DCC: variants seen among roughly 807,000 people sequenced by gnomAD.
DCC encodes the protein DCC netrin 1 receptor, also known as netrin receptor DCC.
Under a neutral mutation model 172.5 loss-of-function variants are expected in DCC, and 58 were observed. The ratio of observed to expected loss-of-function variants is 0.34; its 90% confidence interval spans 0.27 to 0.42. The LOEUF (loss-of-function observed/expected upper bound fraction) is 0.42. Among genes scored for constraint, DCC ranks in the 10% least tolerant of loss-of-function variants. DCC has a pLI of 1.00. For synonymous variants in DCC, 709 were observed against 644.5 expected, an observed-to-expected ratio of 1.10 and a Z score of -1.52; for missense variants, 1,740 against 1,791.0, an observed-to-expected ratio of 0.97 and a Z score of 0.51.
intron 25 of DCC, among the ~76,000 whole-genome samples, chr18:53,468,379 ATT>A (rs1344416765): frequency 1.3e-4 from 9 of 68,832 alleles, no homozygotes; most frequent in African/African-American, 4.4e-4. Flanking sequence ...TTATTTATTT[ATT>A]TTATTTATTT....
rs551977473 is a variant in DCC at position 52,878,000 on chromosome 18, G to A, written c.413-28044G>A. Among the ~76,000 whole-genome samples the A allele has an allele frequency of 2.0e-4, 30 of 151,878 alleles. 1 individual carries two copies. The highest frequency in any genetic ancestry group is 3.5e-4 in the Non-Finnish European group (24 of 67,996). ...CATGAAATAAACATATTTCCTGTGT[G>A]TCTCTGGGGCTAAATATAAACTCTC... On this transcript the variant is annotated intron_variant, in intron 2 of 28. Transcript: ENST00000442544.
At chr18:53,468,458 C>G (rs1411337359) in intron 25 of DCC, among the ~76,000 whole-genome samples, 1 of 151,544 alleles carries the variant, frequency 6.6e-6, no homozygotes, top group Admixed American at 6.6e-5. Context: ...TCTTGGCTCA[C>G]TGCAACTTCC....
intron 15 of DCC, among the ~76,000 whole-genome samples, chr18:53,347,281 TCTTA>T (rs1234426492): frequency 1.3e-5 from 2 of 152,146 alleles, no homozygotes. Context: ...TTCATCAAGA[TCTTA>T]CTTAATTCCA....
chr18:53,468,799 T>A (rs141776555), intron 25 of DCC, among the ~76,000 whole-genome samples: 40 of 152,316 alleles, frequency 2.6e-4, no homozygotes, highest in Admixed American at 6.5e-4. Flanking sequence ...TGTTGAAGTT[T>A]TCTGTCATCC....
chr18:53,498,749 A>T (rs2046058739), intron 26 of DCC, among the ~76,000 whole-genome samples: 1 of 152,092 alleles, frequency 6.6e-6, no homozygotes, highest in African/African-American at 2.4e-5. Context: ...CTCTCATATA[A>T]CTTTTTAGCT....
intron 23 of DCC, among the ~76,000 whole-genome samples, chr18:53,452,133 G>A (rs765946183): frequency 1.3e-5 from 2 of 152,198 alleles, no homozygotes; most frequent in African/African-American, 4.8e-5. Flanking sequence ...AACTAATTGA[G>A]TAAGGCATTG....
At chr18:53,020,779 C>A (rs1463206447) in intron 5 of DCC, among the ~76,000 whole-genome samples, 1 of 152,068 alleles carries the variant, frequency 6.6e-6, no homozygotes, top group African/African-American at 2.4e-5. Flanking sequence ...TCCCTGTCCC[C>A]CTTAGCTAGG....
At chr18:52,351,463 A>G (rs535008814) in intron 1 of DCC, among the ~76,000 whole-genome samples, 2 of 152,180 alleles carry the variant, frequency 1.3e-5, no homozygotes, top group Non-Finnish European at 2.9e-5. Flanking sequence ...TTATGAACCT[A>G]TCTATCCTAT....
intron 1 of DCC, among the ~76,000 whole-genome samples, chr18:52,436,133 G>C (rs1422353145): frequency 6.6e-6 from 1 of 152,204 alleles, no homozygotes; most frequent in Non-Finnish European, 1.5e-5. Context: ...GACCCGAAAA[G>C]AGAAAACACA....
chr18:52,879,412 C>CTTTTTTTGTTTTTTTTTTTTTTTTTTT (rs2039448628), intron 2 of DCC, among the ~76,000 whole-genome samples: 1 of 62,356 alleles, frequency 1.6e-5, no homozygotes, highest in African/African-American at 6.9e-5. Context: ...TGTTGTTTGG[C>CTTTTTTTGTTTTTTTTTTTTTTTTTTT]TTTTTTTTTT....
chr18:52,511,816 G>A lies in DCC; in HGVS notation c.91+170938G>A, dbSNP rs117274097. Among the ~76,000 whole-genome samples, 1,098 of 152,218 alleles carry A rather than the reference G, an allele frequency of 7.2e-3. 7 individuals are homozygous for A. The highest frequency in any genetic ancestry group is 0.012 in the Non-Finnish European group (819 of 68,008). Reference sequence around the variant, plus strand: ...GGACTAATTAGAAATGTGATTGGACGGGAACACAGAGAGTTTCATTTTCAG... The same window carrying A: ...GGACTAATTAGAAATGTGATTGGACAGGAACACAGAGAGTTTCATTTTCAG... On this transcript the variant is annotated intron_variant, in intron 1 of 28. Transcript: ENST00000442544.
At chr18:52,598,428 G>T (rs1162335407) in intron 1 of DCC, among the ~76,000 whole-genome samples, 1 of 152,154 alleles carries the variant, frequency 6.6e-6, no homozygotes, top group Non-Finnish European at 1.5e-5. Flanking sequence ...AGCATTTCTG[G>T]CAGAAAATAG....
chr18:52,762,084 T>G (rs1756044856), intron 2 of DCC, among the ~76,000 whole-genome samples: 1 of 152,142 alleles, frequency 6.6e-6, no homozygotes, highest in African/African-American at 2.4e-5. Flanking sequence ...AGTTCTAATT[T>G]CTGGAGGGCA....
At chr18:53,508,837 A>G (rs2046216019) in intron 27 of DCC, among the ~76,000 whole-genome samples, 1 of 152,212 alleles carries the variant, frequency 6.6e-6, no homozygotes, top group African/African-American at 2.4e-5. Flanking sequence ...GGCCTCTTTC[A>G]TTTGGACAGG....
chr18:52,909,936 G>GA (rs781010596), intron 3 of DCC, among the ~76,000 whole-genome samples: 8 of 152,210 alleles, frequency 5.3e-5, no homozygotes, highest in Non-Finnish European at 8.8e-5. Context: ...ATACACCATG[G>GA]AAAAAGAGCA....
At chr18:53,248,211 CT>C (rs2056387194) in intron 12 of DCC, among the ~76,000 whole-genome samples, 1 of 152,042 alleles carries the variant, frequency 6.6e-6, no homozygotes, top group South Asian at 2.1e-4. Flanking sequence ...TTATCTATCT[CT>C]TCCCCCATCT....
At position 52,867,433 on chromosome 18, in the gene DCC, G is replaced by A. The variant is rs180787879; in HGVS notation, c.413-38611G>A. Among the ~76,000 whole-genome samples, 50 of 152,100 alleles carry A rather than the reference G, an allele frequency of 3.3e-4. No individual in the cohort carries two copies. The East Asian group carries it at 9.1e-3, about 28-fold the overall frequency. ...AAGATTCCCTCTTTTTCAATTGTTT[G>A]GAATAGTTTCAGAAGAAATGGTACC... is the stretch of plus-strand genomic sequence containing the variant. On this transcript the variant is annotated intron_variant, in intron 2 of 28. Transcript: ENST00000442544.
chr18:52,410,444 A>AAAC (rs1350338298), intron 1 of DCC, among the ~76,000 whole-genome samples: 4 of 152,142 alleles, frequency 2.6e-5, no homozygotes, highest in Non-Finnish European at 5.9e-5. Flanking sequence ...AGGCAAAACA[A>AAAC]AACAACAACA....
rs1467541534 is a variant in DCC, at chr18:53,447,763, G to T, written c.3230-2737G>T. 3.3e-5 allele frequency among the ~76,000 whole-genome samples: 5 copies of T among 152,000 alleles called. No homozygotes were observed. In the East Asian group the frequency reaches 7.7e-4, roughly 23 times the overall value. On this transcript the variant is annotated intron_variant, in intron 22 of 28. Transcript: ENST00000442544. ...TCTATTAACTTATTAAGTACAAAAA[G>T]GGCATATTGAAATACTACTGTAAAA...
Sources: allele counts gnomAD v4.1 joint callset (sites outside exome capture counted in the v4.1 genomes callset), GRCh38; gene constraint gnomAD v4.1.1; transcripts MANE v1.5; gene names NCBI Gene and HGNC (gene_info 2026-07-23, HGNC 2026-07-21).